EPB41: variants seen among roughly 807,000 people sequenced by gnomAD.
EPB41 encodes the protein erythrocyte membrane protein band 4.1.
A neutral mutation model predicts 108.0 loss-of-function variants in EPB41; 65 were observed. The observed-to-expected ratio is 0.60, with a 90% CI of 0.49 to 0.74. The LOEUF is 0.74. Ranked by LOEUF, EPB41 falls within the 30% of genes least tolerant of loss-of-function variation. EPB41 has a pLI of 0.00. For synonymous variants in EPB41, 336 were observed against 358.9 expected, an observed-to-expected ratio of 0.94 and a Z score of 0.72; for missense variants, 875 against 1,037.0, an observed-to-expected ratio of 0.84 and a Z score of 2.15.
At chr1:29,063,746 C>G (rs946194083) in intron 15 of EPB41, among the ~76,000 whole-genome samples, 1 of 152,120 alleles carries the variant, frequency 6.6e-6, no homozygotes, top group Non-Finnish European at 1.5e-5. Flanking sequence ...ATATAATAAA[C>G]ACAGAATTTT....
chr1:28,951,835 G>C (rs894441731), intron 1 of EPB41, among the ~76,000 whole-genome samples: 4 of 152,036 alleles, frequency 2.6e-5, no homozygotes, highest in Admixed American at 2.6e-4. Flanking sequence ...GCCTGATTGT[G>C]CCATCGTACT....
intron 1 of EPB41, among the ~76,000 whole-genome samples, chr1:28,954,247 T>C (rs980605040): frequency 6.6e-5 from 10 of 152,248 alleles, no homozygotes; most frequent in Non-Finnish European, 1.3e-4. Context: ...CATTGTTTTA[T>C]ACTGTGCTAT....
chr1:29,074,934 G>T lies in EPB41; in HGVS notation c.2184+9776G>T, dbSNP rs1172529081. Among the ~76,000 whole-genome samples the T allele has an allele frequency of 6.6e-5, 10 of 152,208 alleles. 2 individuals carry two copies. In the South Asian group the frequency reaches 1.5e-3, roughly 22 times the overall value. ...AGCACTTTGGGAGGCTGAGGCGGGCGGATCACAAGGTCAGGAGATCGAGAC... is the reference window on the plus strand; with the variant it reads ...AGCACTTTGGGAGGCTGAGGCGGGCTGATCACAAGGTCAGGAGATCGAGAC... On this transcript the variant is annotated intron_variant, in intron 16 of 20. Transcript: ENST00000343067.
intron 1 of EPB41, among the ~76,000 whole-genome samples, chr1:28,898,872 A>G (rs2090992118): frequency 6.6e-6 from 1 of 152,212 alleles, no homozygotes; most frequent in Non-Finnish European, 1.5e-5. Context: ...CATATTTAGA[A>G]AATAGCTTTA....
chr1:29,058,639 AAC>A lies in EPB41; in HGVS notation c.1900_1901del (p.Gln634GlufsTer7). On this transcript the variant is annotated frameshift_variant, in exon 13 of 21. Coordinates refer to ENST00000343067, the MANE Select transcript of EPB41 (RefSeq NM_001376013.1). LOFTEE classifies it high-confidence loss of function. ...CAGTACCCACCTCAAATGGTGACCAAACACAGGTTTGTGCCAATAGGCCACTT... is the reference window on the plus strand; with the variant it reads ...CAGTACCCACCTCAAATGGTGACCAAACAGGTTTGTGCCAATAGGCCACTT... ...VTVPTSNGDQ[T>X]QKLAEKTEDL... The A allele has an allele frequency of 6.2e-7, 1 of 1,613,554 alleles. No individual in the cohort carries two copies. Among genetic ancestry groups the A allele is most frequent in the South Asian group, 1.1e-5 (1 of 90,976 alleles).
chr1:28,925,466 G>A (rs376652703), intron 1 of EPB41, among the ~76,000 whole-genome samples: 16 of 152,266 alleles, frequency 1.1e-4, no homozygotes, highest in East Asian at 9.6e-4. Flanking sequence ...ATCAGGGATA[G>A]AACATAAGAC....
chr1:29,016,342 ATTTTTTT>A (rs11362146), intron 6 of EPB41, among the ~76,000 whole-genome samples: 1 of 135,776 alleles, frequency 7.4e-6, no homozygotes, highest in Admixed American at 7.4e-5. Flanking sequence ...CGCCCTGCTA[ATTTTTTT>A]TTTTTTTTTT....
In EPB41 at chr1:29,003,453, T is replaced by C. The variant is rs183775859; in HGVS notation, c.786+6134T>C. 3.3e-4 allele frequency among the ~76,000 whole-genome samples: 50 copies of C among 152,352 alleles called. No homozygotes were observed. The East Asian group carries it at 9.1e-3, about 28-fold the overall frequency. ...TTTAGCTTTTTACTCCTTTCCTTGATTTTTACATTTCATCTGTAGTTTTTT... is the reference window on the plus strand; with the variant it reads ...TTTAGCTTTTTACTCCTTTCCTTGACTTTTACATTTCATCTGTAGTTTTTT... On this transcript the variant is annotated intron_variant, in intron 4 of 20. Coordinates refer to ENST00000343067, the MANE Select transcript of EPB41 (RefSeq NM_001376013.1).
chr1:29,085,187 G>T (rs371380705), intron 16 of EPB41, among the ~76,000 whole-genome samples: 1 of 139,844 alleles, frequency 7.2e-6, no homozygotes, highest in African/African-American at 2.7e-5. Flanking sequence ...TCAGTTGCCA[G>T]GCTGGAGTGC....
At chr1:29,019,137 T>C (rs2096612072) in intron 7 of EPB41, among the ~76,000 whole-genome samples, 1 of 152,170 alleles carries the variant, frequency 6.6e-6, no homozygotes, top group Non-Finnish European at 1.5e-5. Context: ...TATTGTGGGC[T>C]GACCACAATG....
intron 7 of EPB41, among the ~76,000 whole-genome samples, chr1:29,023,276 T>G (rs2096670520): frequency 6.6e-6 from 1 of 151,846 alleles, no homozygotes; most frequent in African/African-American, 2.4e-5. Context: ...ATTACAGACG[T>G]AAGCCACCGT....
chr1:29,029,421 G>A (rs1029884745), intron 7 of EPB41, among the ~76,000 whole-genome samples: 4 of 152,206 alleles, frequency 2.6e-5, no homozygotes, highest in African/African-American at 7.2e-5. Context: ...TTAGGGTAAA[G>A]ACAGATGGAT....
At chr1:29,059,022 C>T (rs1035259957) in intron 14 of EPB41, among the ~76,000 whole-genome samples, 170 bp downstream of exon 14, 1 of 152,202 alleles carries the variant, frequency 6.6e-6, no homozygotes, top group African/African-American at 2.4e-5. Flanking sequence ...CACCTATAAT[C>T]CCAGCACTTT....
intron 1 of EPB41, among the ~76,000 whole-genome samples, chr1:28,898,949 T>C (rs141193371): frequency 1.2e-4 from 19 of 152,298 alleles, no homozygotes; most frequent in African/African-American, 4.3e-4. Context: ...AAGAGTGTGA[T>C]GTTCAGTATT....
At chr1:29,001,643 A>T (rs2149756973) in intron 4 of EPB41, among the ~76,000 whole-genome samples, 1 of 152,200 alleles carries the variant, frequency 6.6e-6, no homozygotes, top group Non-Finnish European at 1.5e-5. Context: ...GCTTGAAATT[A>T]TTTGCCTTCA....
intron 16 of EPB41, chr1:29,069,419 A>G (rs1650165967): frequency 8.1e-7 from 1 of 1,227,330 alleles, no homozygotes; most frequent in African/African-American, 1.6e-5. Flanking sequence ...GCTTAAAGTA[A>G]TGTATAAACC....
intron 1 of EPB41, among the ~76,000 whole-genome samples, chr1:28,908,422 A>G (rs1344616026): frequency 6.7e-6 from 1 of 148,346 alleles, no homozygotes; most frequent in East Asian, 2.0e-4. Context: ...AAAAGTAGTT[A>G]TTATTATTAT....
chr1:29,102,437 C>T (rs980432839), intron 17 of EPB41, among the ~76,000 whole-genome samples: 8 of 152,032 alleles, frequency 5.3e-5, no homozygotes, highest in African/African-American at 1.9e-4. Flanking sequence ...AAACAAAAAA[C>T]CAACAACCAA....
intron 1 of EPB41, among the ~76,000 whole-genome samples, chr1:28,969,251 A>AT (rs1181516553): frequency 6.6e-6 from 1 of 151,382 alleles, no homozygotes; most frequent in East Asian, 2.0e-4. Flanking sequence ...TGCCTGGTTA[A>AT]TTTTTGTATT....
Sources: gnomAD v4.1 joint callset for allele counts (sites outside exome capture counted in the v4.1 genomes callset) on GRCh38, gnomAD v4.1.1 for gene constraint, MANE v1.5 for transcripts, NCBI Gene and HGNC (gene_info 2026-07-23, HGNC 2026-07-21) for gene names.